The following ADGRD1 variants were observed in gnomAD, a reference collection of about 807,000 sequenced individuals.
The protein encoded by ADGRD1 is adhesion G protein-coupled receptor D1, also known as G-protein coupled receptor 133.
In ADGRD1, 77 loss-of-function variants were observed where a neutral mutation model predicts 113.4. The ratio of observed to expected loss-of-function variants is 0.68; its 90% CI spans 0.57 to 0.82. The LOEUF is 0.82. ADGRD1 is among the 40% of genes least tolerant of loss of function. ADGRD1 has a pLI of 0.00. For missense variants in ADGRD1, 1,036 were observed against 1,139.1 expected (o/e 0.91, Z 1.30); for synonymous variants, 474 against 475.0 (o/e 1.00, Z 0.03).
intron 14 of ADGRD1, among the ~76,000 whole-genome samples, chr12:131,082,233 A>C (rs1298910858): frequency 6.6e-6 from 1 of 152,082 alleles, no homozygotes; most frequent in East Asian, 1.9e-4. Context: ...GTTACATTTT[A>C]TGTATGCATG....
intron 2 of ADGRD1, among the ~76,000 whole-genome samples, chr12:130,964,480 G>A (rs996264317): frequency 6.6e-6 from 1 of 152,150 alleles, no homozygotes; most frequent in Non-Finnish European, 1.5e-5. Context: ...GAGGTCAGGA[G>A]TTCGAGACTA....
chr12:131,045,127 G>C (rs1440302520), intron 13 of ADGRD1, among the ~76,000 whole-genome samples: 1 of 152,228 alleles, frequency 6.6e-6, no homozygotes, highest in Non-Finnish European at 1.5e-5. Context: ...GCAGGCACAC[G>C]CCTCCCACAC....
intron 4 of ADGRD1, chr12:130,981,198 T>G (rs1872946698): frequency 6.6e-6 from 1 of 152,198 alleles, no homozygotes; most frequent in South Asian, 2.1e-4. Flanking sequence ...AAGTTCTGTT[T>G]GAAAATTTCT....
At chr12:130,989,003 TG>T (rs1268397620) in intron 6 of ADGRD1, 5 of 152,258 alleles carry the variant, frequency 3.3e-5, no homozygotes, top group African/African-American at 9.6e-5. Context: ...TCAGGTATGC[TG>T]GTCTCAGAAG....
At chr12:131,040,237 G>A (rs1211278441) in intron 13 of ADGRD1, among the ~76,000 whole-genome samples, 2 of 152,166 alleles carry the variant, frequency 1.3e-5, no homozygotes, top group African/African-American at 4.8e-5. Flanking sequence ...ACGTGCAACT[G>A]GTGCGGAGAA....
intron 13 of ADGRD1, among the ~76,000 whole-genome samples, chr12:131,045,317 G>C (rs1882577112): frequency 6.6e-6 from 1 of 152,230 alleles, no homozygotes; most frequent in South Asian, 2.1e-4. Flanking sequence ...ACAGTGTTCG[G>C]GAGGCAGGGA....
Position 131,138,161 on chromosome 12 carries a change from A to T in ADGRD1, c.2461A>T (p.Thr821Ser). 6.2e-7 allele frequency: 1 copy of T among 1,613,464 alleles called. No individual in the cohort carries two copies. The highest frequency in any genetic ancestry group is 8.5e-7 in the Non-Finnish European group (1 of 1,179,918). ...SEVRAAFKHK[T>S]KVWSLTSSSA... The stretch of plus-strand genomic sequence containing the variant: ...GGTGAGAGCCGCCTTCAAGCACAAA[A>T]CCAAGGTCTGGTCGCTCACGAGCAG... The change falls in exon 24 of 25, where the codon ACC becomes TCC. Residue 821 changes from threonine (T) to serine (S), a missense_variant. Thr to Ser is a moderately conservative substitution (Grantham distance 58). Coordinates refer to ENST00000261654, the MANE Select transcript of ADGRD1 (RefSeq NM_198827.5).
intron 15 of ADGRD1, among the ~76,000 whole-genome samples, chr12:131,103,038 C>T (rs984954778): frequency 1.3e-5 from 2 of 152,240 alleles, no homozygotes; most frequent in African/African-American, 2.4e-5. Context: ...GGGATTCTTC[C>T]GTCTCCCTGG....
intron 5 of ADGRD1, among the ~76,000 whole-genome samples, chr12:130,985,174 C>T (rs576536561): frequency 3.3e-5 from 5 of 151,768 alleles, no homozygotes; most frequent in South Asian, 4.2e-4. Context: ...TGGCTTCAAG[C>T]GATCCTCCCA....
In ADGRD1 at chr12:130,971,898, C is replaced by T. The variant is rs566210381; in HGVS notation, c.310+318C>T. 2.6e-5 allele frequency among the ~76,000 whole-genome samples: 4 copies of T among 152,086 alleles called. No homozygotes were observed. Among genetic ancestry groups the T allele is most frequent in the Non-Finnish European group, 4.4e-5 (3 of 68,018 alleles). ...TGTCACAGTGGGGACTGGACAGGGCCGTGGCGTTTGTGGGAAGGAAATTGA... is the reference window on the plus strand; with the variant it reads ...TGTCACAGTGGGGACTGGACAGGGCTGTGGCGTTTGTGGGAAGGAAATTGA... On this transcript the variant is annotated intron_variant, in intron 4 of 24. Coordinates refer to ENST00000261654, the MANE Select transcript of ADGRD1 (RefSeq NM_198827.5). This position sits in a 1 kb window ranked among gnomAD's most constrained non-coding sequence, Gnocchi z 4.2.
chr12:130,982,617 T>C (rs1158227481), intron 5 of ADGRD1, among the ~76,000 whole-genome samples: 1 of 152,164 alleles, frequency 6.6e-6, no homozygotes, highest in Non-Finnish European at 1.5e-5. Flanking sequence ...AGAGAGAGGC[T>C]GAAGAATCGG....
In ADGRD1 at chr12:130,994,350, G is replaced by A. The variant is rs908589427; in HGVS notation, c.966+1958G>A. 67 of 393,368 alleles carry A rather than the reference G, an allele frequency of 1.7e-4. 1 individual carries two copies. Among genetic ancestry groups the A allele is most frequent in the Admixed American group, 1.3e-3 (51 of 38,652 alleles). 24.4% of individuals were successfully genotyped at this position (393,368 alleles called of 1,614,324 possible). A position where few individuals can be genotyped will look rare whatever the true frequency, so the allele number is the denominator to read the frequency against. ...GACTGTGGCAGGCGGTGCCTTCTATGCAGTTAGCACTTAGTAAACACTCAC... is the reference window on the plus strand; with the variant it reads ...GACTGTGGCAGGCGGTGCCTTCTATACAGTTAGCACTTAGTAAACACTCAC... On this transcript the variant is annotated intron_variant, in intron 8 of 24. Transcript: ENST00000261654.
intron 15 of ADGRD1, among the ~76,000 whole-genome samples, chr12:131,085,755 G>A (rs1010649440): frequency 1.3e-5 from 2 of 152,170 alleles, no homozygotes; most frequent in Non-Finnish European, 2.9e-5. Context: ...TTGGATGCTG[G>A]GCTGTAACCT....
At chr12:130,956,847 C>G (rs1353168085) in intron 2 of ADGRD1, 1 of 152,386 alleles carries the variant, frequency 6.6e-6, no homozygotes, top group Non-Finnish European at 1.5e-5. Context: ...TGCACCAACA[C>G]AAATCACACA....
rs1239996479 is a variant in ADGRD1, at chr12:131,050,433, G to A, written c.1474-26368G>A. Among the ~76,000 whole-genome samples, 7 of 152,090 alleles carry A rather than the reference G, an allele frequency of 4.6e-5. No individual in the cohort carries two copies. The highest frequency in any genetic ancestry group is 1.5e-5 in the Non-Finnish European group (1 of 68,020). On this transcript the variant is annotated intron_variant, in intron 13 of 24. Transcript: ENST00000261654. The surrounding 1 kb of genome is among the most constrained non-coding windows in gnomAD (Gnocchi z 4.8). ...TTCATTGCTATAAGAAATACCTGAG[G>A]CTGGGTAATTTATTTTAAAAAAAGA...
chr12:131,106,890 C>G (rs545796958), intron 17 of ADGRD1, among the ~76,000 whole-genome samples: 2 of 152,358 alleles, frequency 1.3e-5, no homozygotes, highest in East Asian at 3.9e-4. Context: ...TGTGAAACCT[C>G]CCATGAGGAT....
chr12:130,971,766 T>C lies in ADGRD1; in HGVS notation c.310+186T>C, dbSNP rs556673702. 2.0e-5 allele frequency among the ~76,000 whole-genome samples: 3 copies of C among 152,212 alleles called. No homozygotes were observed. In the East Asian group the frequency reaches 5.8e-4, roughly 29 times the overall value. On this transcript the variant is annotated intron_variant, in intron 4 of 24. Transcript: ENST00000261654. This position sits in a 1 kb window ranked among gnomAD's most constrained non-coding sequence, Gnocchi z 4.2. Reference sequence around the variant, plus strand: ...GCAAGGAGGTTACTAAGCAGAGACTTGTCCTGGTGGCTGGAAGTTATAACA... The same window carrying C: ...GCAAGGAGGTTACTAAGCAGAGACTCGTCCTGGTGGCTGGAAGTTATAACA...
At chr12:131,045,757 C>G (rs915929954) in intron 13 of ADGRD1, among the ~76,000 whole-genome samples, 1 of 152,130 alleles carries the variant, frequency 6.6e-6, no homozygotes, top group Non-Finnish European at 1.5e-5. Context: ...GGGGACAAAG[C>G]ACCACAGCTG....
intron 22 of ADGRD1, 107 bp from the exon 23 acceptor site, chr12:131,136,866 C>A (rs955342755): frequency 1.1e-6 from 1 of 897,082 alleles, no homozygotes; most frequent in African/African-American, 1.6e-5. Context: ...CCTGGTGTCA[C>A]AGTGTGCGGT....
Sources: allele counts gnomAD v4.1 joint callset (sites outside exome capture counted in the v4.1 genomes callset), GRCh38; gene constraint gnomAD v4.1.1; non-coding constraint Gnocchi (gnomAD v3.1); transcripts MANE v1.5; gene names NCBI Gene and HGNC (gene_info 2026-07-23, HGNC 2026-07-21).